The following LARP1B variants were observed in gnomAD, a reference collection of about 807,000 sequenced individuals.
The protein encoded by LARP1B is La ribonucleoprotein 1B.
LARP1B carries 76 observed loss-of-function variants against 114.2 expected under a neutral mutation model. The ratio of observed to expected loss-of-function variants is 0.67; its 90% CI spans 0.55 to 0.81. The LOEUF (loss-of-function observed/expected upper bound fraction) is 0.81, where lower values mean the gene tolerates loss of function less well. Among genes scored for constraint, LARP1B ranks in the 30% least tolerant of loss-of-function variants. LARP1B has a pLI of 0.00. For synonymous variants in LARP1B, 345 were observed against 348.0 expected (o/e 0.99, Z 0.10); for missense variants, 1,014 against 1,075.8 (o/e 0.94, Z 0.80).
chr4:128,137,792 T>G (rs1580880855), intron 11 of LARP1B, among the ~76,000 whole-genome samples: 1 of 47,310 alleles, frequency 2.1e-5, no homozygotes, highest in East Asian at 5.4e-4. Flanking sequence ...TATATATATA[T>G]TTTTTTTTTA....
In LARP1B at chr4:128,211,100, T is replaced by C. The variant is rs2150972428; in HGVS notation, c.*1047T>C. 2.2e-6 allele frequency: 2 copies of C among 900,908 alleles called. No individual in the cohort carries two copies. Among genetic ancestry groups the C allele is most frequent in the Non-Finnish European group, 2.7e-6 (2 of 753,192 alleles). The allele number at this position is 900,908 out of a possible 1,614,324, so 55.8% of individuals were successfully genotyped here. Reference sequence around the variant, plus strand: ...TGATGTAAATGGTAGTTTCAGTTTTTGTGAGATTTAAAAAAATAAAGCACT... The same window carrying C: ...TGATGTAAATGGTAGTTTCAGTTTTCGTGAGATTTAAAAAAATAAAGCACT... On this transcript the variant is annotated 3_prime_UTR_variant, in exon 20 of 20. Coordinates refer to ENST00000326639, the MANE Select transcript of LARP1B (RefSeq NM_018078.4).
chr4:128,111,967 G>A (rs1784265747), intron 9 of LARP1B, among the ~76,000 whole-genome samples: 1 of 151,696 alleles, frequency 6.6e-6, no homozygotes, highest in South Asian at 2.1e-4. Context: ...TGGGATTATA[G>A]GCATGAGCCA....
rs945996494 is a variant in LARP1B, at chr4:128,091,399, A to G, written c.555A>G (p.Gln185=). 3.1e-6 allele frequency: 5 copies of G among 1,612,366 alleles called. No individual in the cohort carries two copies. Among genetic ancestry groups the G allele is most frequent in the East Asian group, 2.2e-5 (1 of 44,846 alleles). ...AAGAACATGGTGAAAGGACTGATCAACCATTTCAAACAGAACTTAATACCA... is the reference window on the plus strand; with the variant it reads ...AAGAACATGGTGAAAGGACTGATCAGCCATTTCAAACAGAACTTAATACCA... ...GYQEHGERTD[Q]PFQTELNTSM... Residue 185 remains glutamine (Q), a synonymous_variant, in exon 7 of 20, where the codon CAA becomes CAG. Coordinates refer to ENST00000326639, the MANE Select transcript of LARP1B (RefSeq NM_018078.4).
chr4:128,206,285 T>C, intron 17 of LARP1B, 143 bp from the exon 18 acceptor site: 2 of 517,302 alleles, frequency 3.9e-6, no homozygotes, highest in Admixed American at 3.8e-5. Context: ...AGAGTGAGAC[T>C]CTGTCTCAAA....
downstream of LARP1B, among the ~76,000 whole-genome samples, chr4:128,213,064 A>G (rs533736660): frequency 5.3e-4 from 80 of 151,976 alleles, no homozygotes; most frequent in African/African-American, 1.9e-3. Context: ...GACTATAGGC[A>G]TGCACCACTA....
At position 128,178,463 on chromosome 4, in the gene LARP1B, G is replaced by C. The variant is rs1747178406; in HGVS notation, c.1717G>C (p.Asp573His). The change falls in exon 14 of 20, where the codon GAT becomes CAT. Residue 573 changes from aspartate to histidine, a missense_variant. Physicochemically the swap from Asp to His is moderately conservative, Grantham distance 81. Transcript: ENST00000326639. ...TGATGAATTAGCTCAGAAGTTATTTGATGTTTCAGAAATAACTTCAGCAGC... is the reference window on the plus strand; with the variant it reads ...TGATGAATTAGCTCAGAAGTTATTTCATGTTTCAGAAATAACTTCAGCAGC... ...LTDELAQKLF[D>H]VSEITSAAMV... is the part of the protein sequence containing the mutation. The C allele has an allele frequency of 6.2e-7, 1 of 1,613,500 alleles. No individual in the cohort carries two copies. Among genetic ancestry groups the C allele is most frequent in the African/African-American group, 1.3e-5 (1 of 74,998 alleles).
chr4:128,069,008 C>T, intron 1 of LARP1B: 1 of 813,572 alleles, frequency 1.2e-6, no homozygotes. Flanking sequence ...ACAAACTTTA[C>T]TTATATTGGC....
chr4:128,074,909 CT>C, intron 2 of LARP1B, 24 bp from the exon 3 acceptor site: 2 of 1,518,500 alleles, frequency 1.3e-6, no homozygotes, highest in Non-Finnish European at 1.8e-6. Flanking sequence ...AATTTCAGAC[CT>C]AACACTTATT....
Position 128,108,684 on chromosome 4 carries a change from A to G in LARP1B, c.988+1371A>G, listed in dbSNP as rs1027685018. On this transcript the variant is annotated intron_variant, in intron 9 of 19. Transcript: ENST00000326639. ...TTAATTTATTTTTTGTTAAGATATA[A>G]TGGGTGATTATATAAGTTAGATTTA... The G allele has an allele frequency of 3.1e-6, 3 of 983,554 alleles. No individual in the cohort carries two copies. The African/African-American group carries it at 5.2e-5, about 17-fold the overall frequency. 60.9% of individuals were successfully genotyped at this position (983,554 alleles called of 1,614,324 possible). A position where few individuals can be genotyped will look rare whatever the true frequency, so the allele number is the denominator to read the frequency against.
chr4:128,107,118 T>C, intron 8 of LARP1B, 21 bp from the exon 9 acceptor site: 1 of 1,594,714 alleles, frequency 6.3e-7, no homozygotes, highest in Non-Finnish European at 8.6e-7. Flanking sequence ...ATAATTTTAA[T>C]AGCTCAATTT....
chr4:128,206,646 A>C, intron 18 of LARP1B, 109 bp downstream of exon 18: 1 of 1,447,606 alleles, frequency 6.9e-7, no homozygotes, highest in Non-Finnish European at 9.0e-7. Flanking sequence ...AAACCATTTA[A>C]GATCTTCATG....
At chr4:128,206,696 A>G in intron 18 of LARP1B, 159 bp downstream of exon 18, 1 of 985,450 alleles carries the variant, frequency 1.0e-6, no homozygotes. Context: ...GGCACCAGGT[A>G]GTAAGAAGGC....
chr4:128,114,865 A>G, intron 10 of LARP1B, 123 bp downstream of exon 10: 1 of 764,490 alleles, frequency 1.3e-6, no homozygotes, highest in Non-Finnish European at 2.1e-6. Context: ...TTAACTTTGT[A>G]ATTGTTGGCC....
Position 128,121,851 on chromosome 4 carries a change from C to A in LARP1B, c.1187C>A (p.Ser396Ter). 1 of 1,598,132 alleles carries A rather than the reference C, an allele frequency of 6.3e-7. No homozygotes were observed. The highest frequency in any genetic ancestry group is 1.1e-5 in the South Asian group (1 of 88,310). The change falls in exon 11 of 20, where the codon TCA becomes TAA. Residue 396 changes from serine (S) to a stop codon, truncating the protein, a stop_gained. Coordinates refer to ENST00000326639, the MANE Select transcript of LARP1B (RefSeq NM_018078.4). LOFTEE classifies it high-confidence loss of function. The part of the protein sequence containing the change: ...LRESVSVPEG[S>*]LNQLCSSEEP... The stretch of plus-strand genomic sequence containing the variant: ...GAATCAGTGTCTGTCCCTGAAGGGT[C>A]ATTAAATCAGCTATGTTCTTCAGAA...
chr4:128,067,628 A>C (rs912891573), intron 1 of LARP1B, among the ~76,000 whole-genome samples: 2 of 152,002 alleles, frequency 1.3e-5, no homozygotes, highest in African/African-American at 4.8e-5. Context: ...GAGGCCTTTT[A>C]TCTTGAAATT....
intron 8 of LARP1B, among the ~76,000 whole-genome samples, chr4:128,106,639 T>C (rs1782192030): frequency 6.6e-6 from 1 of 151,800 alleles, no homozygotes; most frequent in Non-Finnish European, 1.5e-5. Context: ...ATACTAGATC[T>C]GTGATCTTTG....
chr4:128,200,211 C>A (rs1318058258), intron 16 of LARP1B, among the ~76,000 whole-genome samples: 3 of 152,200 alleles, frequency 2.0e-5, no homozygotes, highest in Admixed American at 2.0e-4. Context: ...ATCTTTTTGG[C>A]ACCAGGGACC....
At chr4:128,128,048 A>T (rs1414046513) in intron 11 of LARP1B, among the ~76,000 whole-genome samples, 1 of 152,212 alleles carries the variant, frequency 6.6e-6, no homozygotes, top group East Asian at 1.9e-4. Flanking sequence ...TGTTTCAACA[A>T]CTGGGACTCT....
chr4:128,101,636 CTTAT>C (rs1413856960), intron 8 of LARP1B, among the ~76,000 whole-genome samples: 5 of 146,688 alleles, frequency 3.4e-5, no homozygotes, highest in South Asian at 4.3e-4. Flanking sequence ...TATTTATTTA[CTTAT>C]TTATTTATTT....
Sources: gnomAD v4.1 joint callset for allele counts (sites outside exome capture counted in the v4.1 genomes callset) on GRCh38, gnomAD v4.1.1 for gene constraint, MANE v1.5 for transcripts, NCBI Gene and HGNC (gene_info 2026-07-23, HGNC 2026-07-21) for gene names.